UST: variants seen among roughly 807,000 people sequenced by gnomAD.
UST encodes uronyl 2-sulfotransferase, also known as chondroitin sulfate 2-O-sulfotransferase.
Under a neutral mutation model 45.6 loss-of-function variants are expected in UST, and 21 were observed. That is an observed-to-expected ratio of 0.46 (90% CI 0.33 to 0.66). The LOEUF is 0.66. Ranked by LOEUF, UST falls within the 30% of genes least tolerant of loss-of-function variation. UST has a pLI of 0.02. For synonymous variants in UST, 215 were observed against 200.6 expected (o/e 1.07, Z -0.61); for missense variants, 463 against 512.4 (o/e 0.90, Z 0.93).
chr6:148,783,845 G>T (rs993394678), intron 1 of UST, among the ~76,000 whole-genome samples: 5 of 152,050 alleles, frequency 3.3e-5, no homozygotes, highest in African/African-American at 1.2e-4. Flanking sequence ...GTCCCCAGGG[G>T]GTTGGGGACA....
At chr6:148,932,968 A>T (rs1238573376) in intron 2 of UST, among the ~76,000 whole-genome samples, 2 of 152,182 alleles carry the variant, frequency 1.3e-5, no homozygotes, top group African/African-American at 4.8e-5. Flanking sequence ...CAGTGCCCTC[A>T]TTCTATACTT....
At chr6:148,806,060 T>C (rs899626662) in intron 1 of UST, among the ~76,000 whole-genome samples, 5 of 148,386 alleles carry the variant, frequency 3.4e-5, no homozygotes, top group African/African-American at 1.2e-4. Context: ...AAATATACAT[T>C]TTGAGAAATC....
At chr6:149,038,589 G>A (rs891672466) in intron 7 of UST, among the ~76,000 whole-genome samples, 4 of 152,138 alleles carry the variant, frequency 2.6e-5, no homozygotes, top group Non-Finnish European at 4.4e-5. Flanking sequence ...AACTTCTGTT[G>A]TCTTAAGCTA....
intron 5 of UST, among the ~76,000 whole-genome samples, chr6:148,973,312 G>A (rs1209027228): frequency 6.6e-6 from 1 of 152,194 alleles, no homozygotes; most frequent in East Asian, 1.9e-4. Flanking sequence ...GCTTTAAACA[G>A]TAAAACAGAA....
chr6:148,859,106 G>A (rs1778258523), intron 1 of UST, among the ~76,000 whole-genome samples: 1 of 152,174 alleles, frequency 6.6e-6, no homozygotes, highest in Admixed American at 6.6e-5. Flanking sequence ...CTAGTTTACA[G>A]TCCTACCAAC....
intron 7 of UST, among the ~76,000 whole-genome samples, chr6:149,052,199 T>C (rs1209888131): frequency 6.6e-6 from 1 of 152,212 alleles, no homozygotes; most frequent in Non-Finnish European, 1.5e-5. Flanking sequence ...ACACATTAAG[T>C]TTCAACTAAA....
At chr6:148,950,781 C>T (rs1353712106) in intron 3 of UST, among the ~76,000 whole-genome samples, 2 of 152,204 alleles carry the variant, frequency 1.3e-5, no homozygotes, top group Non-Finnish European at 2.9e-5. Context: ...ACTTATCTAC[C>T]ATCTACCTCA....
intron 5 of UST, among the ~76,000 whole-genome samples, chr6:148,974,748 A>C (rs1049685888): frequency 6.6e-5 from 10 of 152,248 alleles, no homozygotes; most frequent in Non-Finnish European, 1.3e-4. Context: ...CAGCCGCCTA[A>C]TGGGTAAGGC....
At chr6:148,948,203 C>T (rs534251880) in intron 3 of UST, among the ~76,000 whole-genome samples, 1 of 152,350 alleles carries the variant, frequency 6.6e-6, no homozygotes, top group African/African-American at 2.4e-5. Context: ...TCTTCCCAGG[C>T]TCTGAGGTTC....
chr6:148,881,757 T>C (rs556951351), intron 1 of UST, among the ~76,000 whole-genome samples: 4 of 152,298 alleles, frequency 2.6e-5, no homozygotes, highest in East Asian at 1.9e-4. Flanking sequence ...AGAAGCTCCT[T>C]TGATGCCTGG....
At chr6:148,761,605 C>T (rs181758363) in intron 1 of UST, among the ~76,000 whole-genome samples, 1 of 151,656 alleles carries the variant, frequency 6.6e-6, no homozygotes, top group East Asian at 1.9e-4. Flanking sequence ...GGGGAAGAAA[C>T]CAGAAAGTGC....
chr6:148,867,902 G>A (rs900235153), intron 1 of UST, among the ~76,000 whole-genome samples: 1 of 152,108 alleles, frequency 6.6e-6, no homozygotes, highest in Admixed American at 6.5e-5. Flanking sequence ...TTGCTGTAAG[G>A]GATCTTCAGG....
At chr6:148,864,747 CATGAT>C (rs2114805742) in intron 1 of UST, among the ~76,000 whole-genome samples, 1 of 152,264 alleles carries the variant, frequency 6.6e-6, no homozygotes, top group South Asian at 2.1e-4. Flanking sequence ...CAGAAAATGT[CATGAT>C]TAATAGTTAT....
At chr6:148,854,590 A>G (rs1778167108) in intron 1 of UST, among the ~76,000 whole-genome samples, 1 of 152,098 alleles carries the variant, frequency 6.6e-6, no homozygotes, top group Non-Finnish European at 1.5e-5. Flanking sequence ...TAATATTACC[A>G]TGCTTTGGTA....
At chr6:148,866,894 AT>A (rs35154915) in intron 1 of UST, among the ~76,000 whole-genome samples, 147,972 of 151,176 alleles carry the variant, frequency 0.98, 72,427 homozygotes, top group East Asian at 1. Context: ...TCCACAAGGC[AT>A]TTTTTTTTTC....
chr6:148,844,970 T>G (rs1372433508), intron 1 of UST, among the ~76,000 whole-genome samples: 1 of 152,232 alleles, frequency 6.6e-6, no homozygotes, highest in East Asian at 1.9e-4. Context: ...GTTGTTGTTT[T>G]TTTTAATGGC....
chr6:148,909,402 C>G (rs1779433028), intron 2 of UST, among the ~76,000 whole-genome samples: 1 of 152,128 alleles, frequency 6.6e-6, no homozygotes, highest in African/African-American at 2.4e-5. Flanking sequence ...TCATGGTTTC[C>G]TTTTAATGGT....
chr6:148,759,486 C>G (rs918497056), intron 1 of UST, among the ~76,000 whole-genome samples: 1 of 151,248 alleles, frequency 6.6e-6, no homozygotes, highest in Non-Finnish European at 1.5e-5. Context: ...GAGATCGCAC[C>G]ACTGCACTCC....
At chr6:148,897,184 T>C (rs1202376888) in intron 2 of UST, among the ~76,000 whole-genome samples, 5 of 152,334 alleles carry the variant, frequency 3.3e-5, no homozygotes, top group African/African-American at 1.2e-4. Context: ...TAAAATTTTT[T>C]TGAGACTGAG....
Sources: allele counts gnomAD v4.1 joint callset (sites outside exome capture counted in the v4.1 genomes callset), GRCh38; gene constraint gnomAD v4.1.1; transcripts MANE v1.5; gene names NCBI Gene and HGNC (gene_info 2026-07-23, HGNC 2026-07-21).